Variants in EIF3D observed in about 807,000 individuals in gnomAD.
EIF3D encodes eukaryotic translation initiation factor 3 subunit D, also known as eIF3 p66.
Under a neutral mutation model 75.4 loss-of-function variants are expected in EIF3D, and 10 were observed. That is an observed-to-expected ratio of 0.13 (90% CI 0.08 to 0.22). The LOEUF (loss-of-function observed/expected upper bound fraction) is 0.22. Ranked by LOEUF, EIF3D falls within the 10% of genes least tolerant of loss-of-function variation. The pLI, the probability that EIF3D is intolerant of heterozygous loss-of-function variation, is 1.00. For missense variants in EIF3D, 394 were observed against 708.0 expected (o/e 0.56, Z 5.03); for synonymous variants, 246 against 248.3 (o/e 0.99, Z 0.09).
chr22:36,513,667 T>C (rs2145869259), intron 12 of EIF3D, among the ~76,000 whole-genome samples: 1 of 152,354 alleles, frequency 6.6e-6, no homozygotes, highest in Non-Finnish European at 1.5e-5. Context: ...TGTCTCTGTG[T>C]TTCCCTAAAA....
chr22:36,516,423 C>T (rs943598744), intron 12 of EIF3D, 55 bp downstream of exon 12: 2 of 1,589,434 alleles, frequency 1.3e-6, no homozygotes, highest in Non-Finnish European at 1.7e-6. Context: ...TAAACAGGCA[C>T]TGTAGGGAAT....
chr22:36,516,662 G>A (rs765079731), intron 11 of EIF3D, 43 bp downstream of exon 11: 24 of 1,613,926 alleles, frequency 1.5e-5, no homozygotes, highest in South Asian at 2.2e-5. Context: ...AGTGGGGCCC[G>A]TGCTCCAGTC....
chr22:36,528,519 G>A (rs1272891066), intron 1 of EIF3D, among the ~76,000 whole-genome samples: 2 of 149,418 alleles, frequency 1.3e-5, no homozygotes, highest in Non-Finnish European at 2.9e-5. Context: ...AGGATAGGGA[G>A]GTTCCAAGAG....
chr22:36,516,663 T>C, intron 11 of EIF3D, 42 bp downstream of exon 11: 3 of 1,614,010 alleles, frequency 1.9e-6, no homozygotes, highest in Non-Finnish European at 2.5e-6. Flanking sequence ...GTGGGGCCCG[T>C]GCTCCAGTCT....
rs1261422760 is a variant in EIF3D, at chr22:36,519,391, A to G, written c.711+14T>C. 1.2e-6 allele frequency: 2 copies of G among 1,613,928 alleles called. No homozygotes were observed. The highest frequency in any genetic ancestry group is 1.7e-6 in the Non-Finnish European group (2 of 1,179,904). On this transcript the variant is annotated intron_variant, in intron 8 of 14. Transcript: ENST00000216190. ...TTCCTAACAAGGGGGAGAGGGGCAG[A>G]AGGAGGCGCACACCTTGCGGATGAC...
At chr22:36,514,352 C>T (rs1934389842) in intron 12 of EIF3D, among the ~76,000 whole-genome samples, 2 of 152,120 alleles carry the variant, frequency 1.3e-5, no homozygotes, top group South Asian at 4.1e-4. Context: ...TGCAGAGTCT[C>T]CTCCCCTTGA....
Position 36,523,240 on chromosome 22 carries a change from C to G in EIF3D, c.434G>C (p.Gly145Ala), listed in dbSNP as rs142365005. The change falls in exon 6 of 15, where the codon GGG (glycine) becomes GCG (alanine). Residue 145 changes from glycine to alanine, a missense_variant. Coordinates refer to ENST00000216190, the MANE Select transcript of EIF3D (RefSeq NM_003753.4). Reference protein sequence around the residue: ...RLQKKFQKQFGVRQKWDQKSQ... With the variant: ...RLQKKFQKQFAVRQKWDQKSQ... ...TTTCTGATCCCATTTCTGCCTAACCCCAAATTGTTTCTGGAACTTTTTCTG... is the reference window on the plus strand; with the variant it reads ...TTTCTGATCCCATTTCTGCCTAACCGCAAATTGTTTCTGGAACTTTTTCTG... The G allele has an allele frequency of 6.2e-7, 1 of 1,614,006 alleles. No individual in the cohort carries two copies.
chr22:36,527,777 A>G (rs1934629399), intron 1 of EIF3D, among the ~76,000 whole-genome samples: 1 of 152,238 alleles, frequency 6.6e-6, no homozygotes, highest in Non-Finnish European at 1.5e-5. Context: ...ATTACACTCC[A>G]GCCTGGGCAA....
rs377443119 is a variant in EIF3D at position 36,524,642 on chromosome 22, C to T, written c.260G>A (p.Arg87His). 1.7e-5 allele frequency: 28 copies of T among 1,614,038 alleles called. No individual in the cohort carries two copies. The highest frequency in any genetic ancestry group is 3.3e-5 in the Admixed American group (2 of 60,004). ...ESSFQLVDTARTQKTAYQRNR... is the reference protein window; with the variant it reads ...ESSFQLVDTAHTQKTAYQRNR... ...CCGCTGGTAGGCCGTCTTCTGTGTG[C>T]GCGCTGTATCCACCAGCTGGAAGCT... Residue 87 changes from arginine to histidine, a missense_variant, in exon 4 of 15, where the codon CGC becomes CAC. Transcript: ENST00000216190.
chr22:36,528,971 C>G (rs1319256858), intron 1 of EIF3D, 105 bp downstream of exon 1: 2 of 272,238 alleles, frequency 7.3e-6, no homozygotes, highest in Non-Finnish European at 1.4e-5. Context: ...ACGGCAACAG[C>G]AGGAAGGGAC....
chr22:36,523,322 C>G, intron 5 of EIF3D, 41 bp from the exon 6 acceptor site: 1 of 1,520,094 alleles, frequency 6.6e-7, no homozygotes, highest in Non-Finnish European at 9.0e-7. Flanking sequence ...GACCTTTAAA[C>G]CAGTGGCTTC....
At position 36,511,007 on chromosome 22, in the gene EIF3D, G is replaced by T. The variant is rs751861774; in HGVS notation, c.1634-7C>A. On this transcript the variant is annotated splice_region_variant and splice_polypyrimidine_tract_variant and intron_variant, in intron 14 of 14. Transcript: ENST00000216190. The stretch of plus-strand genomic sequence containing the variant: ...CTGGTTTAAGTTTCTTCCTCTGAAA[G>T]ACACAAAAAATGTAAGAGAAATGAG... 19 of 1,607,106 alleles carry T rather than the reference G, an allele frequency of 1.2e-5. No individual in the cohort carries two copies. The highest frequency in any genetic ancestry group is 1.6e-5 in the Non-Finnish European group (19 of 1,178,012).
rs147025547 is a variant in EIF3D, at chr22:36,511,289, C to A, written c.1633+214G>T. ...TCCTCTACCTCTGCCACAGTCCAGC[C>A]GCTTCTCTAAAACACCGCTATCCTC... is the stretch of plus-strand genomic sequence containing the variant. On this transcript the variant is annotated intron_variant, in intron 14 of 14. Coordinates refer to ENST00000216190, the MANE Select transcript of EIF3D (RefSeq NM_003753.4). 6.8e-4 allele frequency: 680 copies of A among 997,716 alleles called. 6 individuals carry two copies. In the East Asian group the frequency reaches 0.017, roughly 25 times the overall value. 61.8% of individuals were successfully genotyped at this position (997,716 alleles called of 1,614,324 possible).
In EIF3D at chr22:36,518,888, A is replaced by G. The variant is rs1315804763; in HGVS notation, c.734T>C (p.Val245Ala). 1.2e-6 allele frequency: 2 copies of G among 1,614,172 alleles called. No individual in the cohort carries two copies. The highest frequency in any genetic ancestry group is 1.7e-5 in the Admixed American group (1 of 60,020). The change falls in exon 9 of 15, where the codon GTG becomes GCG. Residue 245 changes from valine (V) to alanine (A), a missense_variant. Transcript: ENST00000216190. ...GGCCAGGATGGCATCAGTGGCAAAC[A>G]CATTCCCCTGAGTTTTTGCCAGCTG... is the stretch of plus-strand genomic sequence containing the variant. ...IRKLAKTQGN[V>A]FATDAILATL... is the part of the protein sequence containing the mutation.
chr22:36,524,902 C>G (rs1372523904), intron 3 of EIF3D, among the ~76,000 whole-genome samples, 170 bp from the exon 4 acceptor site: 2 of 152,200 alleles, frequency 1.3e-5, no homozygotes, highest in Non-Finnish European at 2.9e-5. Flanking sequence ...GAATCAGAAC[C>G]AGCATTTTAA....
At chr22:36,523,680 G>A (rs1373718821) in intron 5 of EIF3D, among the ~76,000 whole-genome samples, 2 of 152,206 alleles carry the variant, frequency 1.3e-5, no homozygotes, top group South Asian at 2.1e-4. Context: ...CCTTTAGTGC[G>A]CATGACCAGC....
chr22:36,514,914 C>T (rs190147765), intron 12 of EIF3D, among the ~76,000 whole-genome samples: 282 of 152,162 alleles, frequency 1.9e-3, no homozygotes, highest in Non-Finnish European at 2.7e-3. Flanking sequence ...GCAGACTTCC[C>T]CCTTTGGCAC....
At chr22:36,524,485 ACCTATAATATG>A in intron 4 of EIF3D, 100 bp downstream of exon 4, 2 of 1,480,850 alleles carry the variant, frequency 1.4e-6, no homozygotes, top group Non-Finnish European at 1.8e-6. Context: ...TCACGAAAAG[ACCTATAATATG>A]CTTCCCTCTC....
chr22:36,511,450 C>T (rs1396807974), intron 14 of EIF3D, 53 bp downstream of exon 14: 1 of 1,597,928 alleles, frequency 6.3e-7, no homozygotes, highest in Non-Finnish European at 8.5e-7. Context: ...AGAGCTTGCT[C>T]CCGTGCTAGC....
Sources: gnomAD v4.1 joint callset for allele counts (sites outside exome capture counted in the v4.1 genomes callset) on GRCh38, gnomAD v4.1.1 for gene constraint, MANE v1.5 for transcripts, NCBI Gene and HGNC (gene_info 2026-07-23, HGNC 2026-07-21) for gene names.